PROSER2: variants seen among roughly 807,000 people sequenced by gnomAD.
PROSER2 encodes the protein proline and serine-rich protein 2.
PROSER2 carries 18 observed loss-of-function variants against 14.6 expected under a neutral mutation model. The ratio of observed to expected loss-of-function variants is 1.23; its 90% CI spans 0.85 to 1.83. The LOEUF is 1.83. PROSER2 is among the 40% of genes most tolerant of loss of function. The pLI is 0.00. For synonymous variants in PROSER2, 367 were observed against 286.4 expected (o/e 1.28, Z -2.84); for missense variants, 823 against 629.8 (o/e 1.31, Z -3.28).
At chr10:11,840,707 CT>C (rs1190395565) in intron 1 of PROSER2, among the ~76,000 whole-genome samples, 1 of 151,646 alleles carries the variant, frequency 6.6e-6, no homozygotes, top group African/African-American at 2.4e-5. Flanking sequence ...GTGGATCACC[CT>C]GAGGTCAGGG....
chr10:11,833,235 C>CTTTTTTTTTTTTTTTTTTT (rs5783233), intron 1 of PROSER2, among the ~76,000 whole-genome samples: 2 of 87,666 alleles, frequency 2.3e-5, no homozygotes, highest in African/African-American at 4.8e-5. Context: ...AATGTTGTGG[C>CTTTTTTTTTTTTTTTTTTT]TTTTTTTTTT....
At chr10:11,863,793 T>C (rs932582621) in intron 2 of PROSER2, among the ~76,000 whole-genome samples, 9 of 152,140 alleles carry the variant, frequency 5.9e-5, no homozygotes, top group African/African-American at 2.2e-4. Flanking sequence ...AACTCTGTTA[T>C]GGTGTCGGTG....
chr10:11,852,016 A>G lies in PROSER2; in HGVS notation c.-62A>G. On this transcript the variant is annotated 5_prime_UTR_variant, in exon 2 of 4. Coordinates refer to ENST00000277570, the MANE Select transcript of PROSER2 (RefSeq NM_153256.4). ...CTCTAGGAGTGAGCTGTTGCCGCAG[A>G]ATGGGCTGCTGGCTCCTGCCCTGCT... The G allele has an allele frequency of 6.6e-7, 1 of 1,520,600 alleles. No individual in the cohort carries two copies. Among genetic ancestry groups the G allele is most frequent in the Non-Finnish European group, 8.8e-7 (1 of 1,133,914 alleles). 94.2% of individuals were successfully genotyped at this position (1,520,600 alleles called of 1,614,324 possible).
chr10:11,868,544 C>G (rs1429398742), intron 3 of PROSER2, among the ~76,000 whole-genome samples: 1 of 152,194 alleles, frequency 6.6e-6, no homozygotes, highest in Non-Finnish European at 1.5e-5. Context: ...ATTGCTGGGA[C>G]AGGTGTGAGC....
chr10:11,847,992 T>G (rs191685008), intron 1 of PROSER2, among the ~76,000 whole-genome samples: 2 of 152,204 alleles, frequency 1.3e-5, no homozygotes, highest in Non-Finnish European at 2.9e-5. Flanking sequence ...AAGGAGATCA[T>G]TTGGTAAGAG....
intron 3 of PROSER2, among the ~76,000 whole-genome samples, chr10:11,868,247 A>G (rs1183650404): frequency 6.6e-6 from 1 of 152,202 alleles, no homozygotes; most frequent in Non-Finnish European, 1.5e-5. Flanking sequence ...ACACCTGTCC[A>G]TCTGTTCTCT....
At chr10:11,858,555 G>A (rs1834168291) in intron 2 of PROSER2, among the ~76,000 whole-genome samples, 1 of 152,140 alleles carries the variant, frequency 6.6e-6, no homozygotes, top group Non-Finnish European at 1.5e-5. Context: ...ACCTTAGTAT[G>A]TTCAGCATTT....
In PROSER2 at chr10:11,857,781, C is replaced by G. The variant is rs543442140; in HGVS notation, c.138+5566C>G. Among the ~76,000 whole-genome samples, 369 of 148,074 alleles carry G rather than the reference C, an allele frequency of 2.5e-3. 2 individuals carry two copies. The highest frequency in any genetic ancestry group is 8.5e-3 in the African/African-American group (345 of 40,512). ...AAAAAAAAAGAAACCCTAATTAAAC[C>G]TTTGTCCCGAAACTGTGCCGCGCCC... On this transcript the variant is annotated intron_variant, in intron 2 of 3. Coordinates refer to ENST00000277570, the MANE Select transcript of PROSER2 (RefSeq NM_153256.4).
At position 11,836,747 on chromosome 10, in the gene PROSER2, T is replaced by C. The variant is rs972050149; in HGVS notation, c.-82+13277T>C. Among the ~76,000 whole-genome samples, 2 of 152,140 alleles carry C rather than the reference T, an allele frequency of 1.3e-5. No individual in the cohort carries two copies. Among genetic ancestry groups the C allele is most frequent in the East Asian group, 3.9e-4 (2 of 5,194 alleles). ...AGCTCAACTGTGCTTGTCTTGACTG[T>C]ATCTTAAAAGTGCTGGTTAATGGTG... On this transcript the variant is annotated intron_variant, in intron 1 of 3. Transcript: ENST00000277570. This position sits in a 1 kb window ranked among gnomAD's most constrained non-coding sequence, Gnocchi z 4.6.
rs1228553392 is a variant in PROSER2, at chr10:11,862,763, T to C, written c.139-3768T>C. ...ATGTATATGCAAATATTTCAAAATG[T>C]GAAAAAATCCAGAACACTTCTTATC... On this transcript the variant is annotated intron_variant, in intron 2 of 3. Transcript: ENST00000277570. This position sits in a 1 kb window ranked among gnomAD's most constrained non-coding sequence, Gnocchi z 4.2. 1 of 152,112 alleles carries C rather than the reference T, an allele frequency of 6.6e-6. No individual in the cohort carries two copies. The highest frequency in any genetic ancestry group is 1.5e-5 in the Non-Finnish European group (1 of 68,028). 9.4% of individuals were successfully genotyped at this position (152,112 alleles called of 1,614,324 possible).
At chr10:11,848,148 T>C (rs1833953161) in intron 1 of PROSER2, among the ~76,000 whole-genome samples, 1 of 150,230 alleles carries the variant, frequency 6.7e-6, no homozygotes, top group Non-Finnish European at 1.5e-5. Context: ...TTTGTTTTTG[T>C]TTTGTTTTGT....
rs559345091 is a variant in PROSER2 at position 11,871,289 on chromosome 10, T to C, written c.*883T>C. On this transcript the variant is annotated 3_prime_UTR_variant, in exon 4 of 4. Coordinates refer to ENST00000277570, the MANE Select transcript of PROSER2 (RefSeq NM_153256.4). ...GCATCCTGATGGATGATACAAGAAATTGTTACTTCCTAGTATGGAAGTGTC... is the reference window on the plus strand; with the variant it reads ...GCATCCTGATGGATGATACAAGAAACTGTTACTTCCTAGTATGGAAGTGTC... The C allele has an allele frequency of 6.6e-6, 1 of 152,310 alleles. No homozygotes were observed. Among genetic ancestry groups the C allele is most frequent in the African/African-American group, 2.4e-5 (1 of 41,572 alleles). The allele number at this position is 152,310 out of a possible 1,614,324, so 9.4% of individuals were successfully genotyped here. A position where few individuals can be genotyped will look rare whatever the true frequency, so the allele number is the denominator to read the frequency against.
rs747403866 is a variant in PROSER2 at position 11,836,812 on chromosome 10, G to A, written c.-82+13342G>A. 2.0e-4 allele frequency among the ~76,000 whole-genome samples: 30 copies of A among 152,284 alleles called. No homozygotes were observed. The highest frequency in any genetic ancestry group is 2.8e-4 in the Non-Finnish European group (19 of 68,022). On this transcript the variant is annotated intron_variant, in intron 1 of 3. Transcript: ENST00000277570. This position sits in a 1 kb window ranked among gnomAD's most constrained non-coding sequence, Gnocchi z 4.6. ...GTAGGAGAGTCTATAAACCTATACC[G>A]AAGTCCTCTCTTATACACGGTTTTG...
rs1834132591 is a variant in PROSER2, at chr10:11,856,903, G to T, written c.138+4688G>T. 6.6e-6 allele frequency among the ~76,000 whole-genome samples: 1 copy of T among 152,212 alleles called. No homozygotes were observed. The highest frequency in any genetic ancestry group is 2.1e-4 in the South Asian group (1 of 4,822). On this transcript the variant is annotated intron_variant, in intron 2 of 3. Transcript: ENST00000277570. This position sits in a 1 kb window ranked among gnomAD's most constrained non-coding sequence, Gnocchi z 5.3. The stretch of plus-strand genomic sequence containing the variant: ...CTTCAGGAGGGGACACTGAACCGGA[G>T]GTGCCTTGAGGGAGGAGCCGCCCCA...
At position 11,837,121 on chromosome 10, in the gene PROSER2, C is replaced by T. The variant is rs146999524; in HGVS notation, c.-82+13651C>T. 1.7e-3 allele frequency among the ~76,000 whole-genome samples: 260 copies of T among 152,110 alleles called. 2 individuals are homozygous for T. The East Asian group carries it at 0.024, about 14-fold the overall frequency. On this transcript the variant is annotated intron_variant, in intron 1 of 3. Transcript: ENST00000277570. This position sits in a 1 kb window ranked among gnomAD's most constrained non-coding sequence, Gnocchi z 4.6. ...AATAATGGCCCTGAAGCAGAAGAGGCATGATGCTGGCTGGTAATTTGTATA... is the reference window on the plus strand; with the variant it reads ...AATAATGGCCCTGAAGCAGAAGAGGTATGATGCTGGCTGGTAATTTGTATA...
At chr10:11,859,341 T>C (rs1430260278) in intron 2 of PROSER2, among the ~76,000 whole-genome samples, 2 of 151,528 alleles carry the variant, frequency 1.3e-5, no homozygotes, top group Non-Finnish European at 1.5e-5. Flanking sequence ...GGTGGGGGAA[T>C]TGCATGAACC....
chr10:11,847,320 C>T (rs936575059), intron 1 of PROSER2, among the ~76,000 whole-genome samples: 8 of 152,140 alleles, frequency 5.3e-5, no homozygotes, highest in East Asian at 1.9e-4. Flanking sequence ...CAGCGCAGCC[C>T]GCTGCAGTGT....
intron 1 of PROSER2, among the ~76,000 whole-genome samples, chr10:11,841,469 T>A (rs978155936): frequency 6.6e-5 from 10 of 152,210 alleles, no homozygotes; most frequent in Admixed American, 2.6e-4. Flanking sequence ...TTTATTCTTT[T>A]GGGTTTTTCC....
intron 2 of PROSER2, among the ~76,000 whole-genome samples, chr10:11,861,804 C>A (rs1027051858): frequency 6.6e-6 from 1 of 152,196 alleles, no homozygotes; most frequent in African/African-American, 2.4e-5. Context: ...AAGAGTTGGC[C>A]ATGCCTCCCG....
Sources: gnomAD v4.1 joint callset for allele counts (sites outside exome capture counted in the v4.1 genomes callset) on GRCh38, gnomAD v4.1.1 for gene constraint, Gnocchi (gnomAD v3.1) non-coding constraint, MANE v1.5 for transcripts, NCBI Gene and HGNC (gene_info 2026-07-23, HGNC 2026-07-21) for gene names.